GALNT18: variants seen among roughly 807,000 people sequenced by gnomAD.
GALNT18 encodes the protein GalNAc-transferase 18.
In GALNT18, 44 loss-of-function variants were observed where a neutral mutation model predicts 69.5. The ratio of observed to expected loss-of-function variants is 0.63; its 90% CI spans 0.50 to 0.81. The LOEUF (loss-of-function observed/expected upper bound fraction) is 0.81, where lower values mean the gene tolerates loss of function less well. GALNT18 is among the 40% of genes least tolerant of loss of function. GALNT18 has a pLI of 0.00. For synonymous variants in GALNT18, 364 were observed against 318.2 expected (o/e 1.14, Z -1.53); for missense variants, 715 against 810.0 (o/e 0.88, Z 1.42).
At position 11,562,845 on chromosome 11, in the gene GALNT18, AGACTT is replaced by A. The variant is rs1858546649; in HGVS notation, c.235+58509_235+58513del. Among the ~76,000 whole-genome samples the A allele has an allele frequency of 6.6e-6, 1 of 152,144 alleles. No individual in the cohort carries two copies. Among genetic ancestry groups the A allele is most frequent in the African/African-American group, 2.4e-5 (1 of 41,434 alleles). On this transcript the variant is annotated intron_variant, in intron 1 of 10. Transcript: ENST00000227756. The surrounding 1 kb of genome is among the most constrained non-coding windows in gnomAD (Gnocchi z 4.1). Reference sequence around the variant, plus strand: ...GTCACGTGGAGGAAAGTGGCAAAAAAGACTTGAACTGGGGTCTGCCTAGCTCGAGG... The same window carrying A: ...GTCACGTGGAGGAAAGTGGCAAAAAAGAACTGGGGTCTGCCTAGCTCGAGG...
Position 11,591,548 on chromosome 11 carries a change from C to T in GALNT18, c.235+29811G>A, listed in dbSNP as rs60949503. 0.012 allele frequency among the ~76,000 whole-genome samples: 1,901 copies of T among 152,274 alleles called. 37 individuals are homozygous for T. The highest frequency in any genetic ancestry group is 0.044 in the African/African-American group (1,807 of 41,534). On this transcript the variant is annotated intron_variant, in intron 1 of 10. Transcript: ENST00000227756. The surrounding 1 kb of genome is among the most constrained non-coding windows in gnomAD (Gnocchi z 4.8). ...GGAGACCATAACAGCCTCCATTTCTCTTCCTACTTTACATCTCCAACTACA... is the reference window on the plus strand; with the variant it reads ...GGAGACCATAACAGCCTCCATTTCTTTTCCTACTTTACATCTCCAACTACA...
chr11:11,464,392 G>C (rs1041231345), intron 1 of GALNT18, among the ~76,000 whole-genome samples: 2 of 152,186 alleles, frequency 1.3e-5, no homozygotes, highest in African/African-American at 2.4e-5. Context: ...TCCACACCAT[G>C]CCTCAAAGTT....
intron 9 of GALNT18, among the ~76,000 whole-genome samples, chr11:11,308,285 C>T (rs7924353): frequency 0.33 from 49,999 of 152,062 alleles, 8,537 homozygotes; most frequent in African/African-American, 0.39. Flanking sequence ...AGATATTCAT[C>T]TCATTGTCTA....
intron 1 of GALNT18, among the ~76,000 whole-genome samples, chr11:11,455,926 T>G (rs12269876): frequency 0.45 from 68,678 of 151,756 alleles, 16,155 homozygotes; most frequent in East Asian, 0.83. Flanking sequence ...CCATCTCTAC[T>G]AAAAATACAA....
Position 11,389,050 on chromosome 11 carries a change from C to G in GALNT18, c.596-9786G>C, listed in dbSNP as rs190619888. Among the ~76,000 whole-genome samples, 3 of 152,276 alleles carry G rather than the reference C, an allele frequency of 2.0e-5. No homozygotes were observed. In the East Asian group the frequency reaches 5.8e-4, roughly 29 times the overall value. ...AAAGGATTTGCCCAGTATCACAGAG[C>G]TAGAAGATGGCAGAGCTGAAAAGCA... On this transcript the variant is annotated intron_variant, in intron 3 of 10. Coordinates refer to ENST00000227756, the MANE Select transcript of GALNT18 (RefSeq NM_198516.3). The surrounding 1 kb of genome is among the most constrained non-coding windows in gnomAD (Gnocchi z 4.3).
rs185768054 is a variant in GALNT18 at position 11,538,914 on chromosome 11, C to G, written c.235+82445G>C. The stretch of plus-strand genomic sequence containing the variant: ...ATCCCAGTAAAAGATGCTTTGTCAA[C>G]AGAGGTGCCCCCCAGATCCCTGGGT... On this transcript the variant is annotated intron_variant, in intron 1 of 10. Transcript: ENST00000227756. This position sits in a 1 kb window ranked among gnomAD's most constrained non-coding sequence, Gnocchi z 5.2. Among the ~76,000 whole-genome samples the G allele has an allele frequency of 7.2e-4, 109 of 152,276 alleles. No individual in the cohort carries two copies. Among genetic ancestry groups the G allele is most frequent in the Admixed American group, 1.5e-3 (23 of 15,308 alleles).
intron 1 of GALNT18, among the ~76,000 whole-genome samples, chr11:11,557,605 T>C (rs1858362537): frequency 6.6e-6 from 1 of 152,188 alleles, no homozygotes; most frequent in African/African-American, 2.4e-5. Flanking sequence ...AGTTGTACTT[T>C]AAAGACACAC....
chr11:11,425,256 G>A (rs901546), intron 3 of GALNT18, among the ~76,000 whole-genome samples: 11,003 of 152,242 alleles, frequency 0.072, 445 homozygotes, highest in Non-Finnish European at 0.088. Context: ...CATGAAGACC[G>A]GGTCCGTGAG....
At chr11:11,452,061 C>T (rs1855811966) in intron 1 of GALNT18, among the ~76,000 whole-genome samples, 1 of 152,184 alleles carries the variant, frequency 6.6e-6, no homozygotes, top group African/African-American at 2.4e-5. Context: ...TCTGAAAACA[C>T]TATCTGATTC....
chr11:11,477,503 C>T (rs1487379704), intron 1 of GALNT18, among the ~76,000 whole-genome samples: 1 of 152,170 alleles, frequency 6.6e-6, no homozygotes, highest in Non-Finnish European at 1.5e-5. Context: ...AGCCTCCTGC[C>T]CTCCACACCT....
intron 1 of GALNT18, among the ~76,000 whole-genome samples, chr11:11,472,464 A>G (rs908127335): frequency 6.6e-6 from 1 of 152,196 alleles, no homozygotes. Flanking sequence ...CAGAGAATAC[A>G]CTAAAATGTT....
intron 1 of GALNT18, among the ~76,000 whole-genome samples, chr11:11,537,665 C>T (rs1445109995): frequency 1.3e-5 from 2 of 152,106 alleles, no homozygotes; most frequent in African/African-American, 4.8e-5. Flanking sequence ...AAAACCCAGT[C>T]CTTGGACTTG....
intron 1 of GALNT18, among the ~76,000 whole-genome samples, chr11:11,509,303 C>T (rs1344613932): frequency 6.6e-6 from 1 of 152,062 alleles, no homozygotes; most frequent in African/African-American, 2.4e-5. Context: ...ATTTGATATC[C>T]AAAGAAAGAT....
At chr11:11,428,833 T>G (rs890594690) in intron 3 of GALNT18, among the ~76,000 whole-genome samples, 12 of 150,508 alleles carry the variant, frequency 8.0e-5, no homozygotes, top group Admixed American at 2.0e-4. Context: ...AATAGCAGAG[T>G]GCTTTGCACA....
intron 3 of GALNT18, among the ~76,000 whole-genome samples, chr11:11,424,876 A>G (rs1280927924): frequency 6.6e-6 from 1 of 152,180 alleles, no homozygotes; most frequent in East Asian, 1.9e-4. Flanking sequence ...GCAAAGGAAC[A>G]AACCAGGATG....
At chr11:11,492,637 T>C (rs958705265) in intron 1 of GALNT18, among the ~76,000 whole-genome samples, 5 of 145,916 alleles carry the variant, frequency 3.4e-5, no homozygotes, top group East Asian at 2.0e-4. Context: ...GTCAGCAAAC[T>C]AAAACAGGAA....
Position 11,439,975 on chromosome 11 carries a change from T to G in GALNT18, c.429-7188A>C, listed in dbSNP as rs1005764431. Reference sequence around the variant, plus strand: ...TCTGTCCCAGATATGGAAGAGACAATGGACATCTGCGAACTGGGAGTTCTG... The same window carrying G: ...TCTGTCCCAGATATGGAAGAGACAAGGGACATCTGCGAACTGGGAGTTCTG... On this transcript the variant is annotated intron_variant, in intron 2 of 10. Transcript: ENST00000227756. This position sits in a 1 kb window ranked among gnomAD's most constrained non-coding sequence, Gnocchi z 4.4. Among the ~76,000 whole-genome samples the G allele has an allele frequency of 6.6e-6, 1 of 152,196 alleles. No homozygotes were observed. The highest frequency in any genetic ancestry group is 1.5e-5 in the Non-Finnish European group (1 of 68,030).
At chr11:11,328,047 T>C (rs1298155544) in intron 8 of GALNT18, among the ~76,000 whole-genome samples, 1 of 152,150 alleles carries the variant, frequency 6.6e-6, no homozygotes, top group Non-Finnish European at 1.5e-5. Context: ...TGGTGGCCAC[T>C]AGAATTGTAA....
chr11:11,342,571 T>C (rs914959411), intron 6 of GALNT18, among the ~76,000 whole-genome samples: 2 of 152,226 alleles, frequency 1.3e-5, no homozygotes, highest in South Asian at 4.1e-4. Flanking sequence ...CTGTTGGAGT[T>C]GGAAGGTGGC....
Sources: gnomAD v4.1 joint callset for allele counts (sites outside exome capture counted in the v4.1 genomes callset) on GRCh38, gnomAD v4.1.1 for gene constraint, Gnocchi (gnomAD v3.1) non-coding constraint, MANE v1.5 for transcripts, NCBI Gene and HGNC (gene_info 2026-07-23, HGNC 2026-07-21) for gene names.